The following DNM3 variants were observed in gnomAD, a reference collection of about 807,000 sequenced individuals.
DNM3 encodes the protein dynamin 3, also known as dynamin-3.
In DNM3, 47 loss-of-function variants were observed where a neutral mutation model predicts 101.6. That is an observed-to-expected ratio of 0.46 (90% CI 0.37 to 0.59). The LOEUF is 0.59. Ranked by LOEUF, DNM3 falls within the 20% of genes least tolerant of loss-of-function variation. DNM3 has a pLI of 0.00. For synonymous variants in DNM3, 385 were observed against 387.9 expected, an observed-to-expected ratio of 0.99 and a Z score of 0.09; for missense variants, 849 against 1,085.7, an observed-to-expected ratio of 0.78 and a Z score of 3.06.
chr1:172,126,211 G>T (rs1033865175), intron 13 of DNM3, among the ~76,000 whole-genome samples: 1 of 152,184 alleles, frequency 6.6e-6, no homozygotes, highest in Non-Finnish European at 1.5e-5. Context: ...GTAAAAGAAA[G>T]GGCTGGGATT....
intron 17 of DNM3, among the ~76,000 whole-genome samples, chr1:172,352,055 A>T (rs2067224702): frequency 6.6e-6 from 1 of 152,320 alleles, no homozygotes; most frequent in Middle Eastern, 3.4e-3. Flanking sequence ...CATTATCCTG[A>T]CGTCTAAAAT....
At position 172,090,916 on chromosome 1, in the gene DNM3, A is replaced by G. The variant is rs142234086; in HGVS notation, c.1494-1908A>G. Among the ~76,000 whole-genome samples the G allele has an allele frequency of 3.3e-5, 5 of 152,308 alleles. No individual in the cohort carries two copies. In the East Asian group the frequency reaches 5.8e-4, roughly 18 times the overall value. On this transcript the variant is annotated intron_variant, in intron 12 of 20. Transcript: ENST00000627582. ...TTCATTGATCTCCAAAACAGCTTCC[A>G]TAAACTATTAAACAATCTGTAAGAA...
chr1:172,044,751 G>A (rs1253006212), intron 9 of DNM3, among the ~76,000 whole-genome samples: 1 of 152,170 alleles, frequency 6.6e-6, no homozygotes, highest in African/African-American at 2.4e-5. Flanking sequence ...CATGAGGGAG[G>A]CCAGACATGC....
rs756274426 is a variant in DNM3 at position 172,131,182 on chromosome 1, G to T, written c.1553G>T (p.Arg518Leu). Residue 518 changes from arginine to leucine, a missense_variant, in exon 14 of 21, where the codon CGC (arginine) becomes CTC (leucine). Arg to Leu is a moderately radical substitution (Grantham distance 102). This residue lies in a region of DNM3 where 193 missense variants were observed against 238.4 expected (regional missense o/e 0.81). Transcript: ENST00000627582. Reference protein sequence around the residue: ...KKTTVGNQVIRKGWLTISNIG... With the variant: ...KKTTVGNQVILKGWLTISNIG... ...ATTTCTGCTTTTTCGTAGGTGATTC[G>T]CAAGGGGTGGCTCACCATCAGCAAC... 10 of 1,612,986 alleles carry T rather than the reference G, an allele frequency of 6.2e-6. No individual in the cohort carries two copies. In the East Asian group the frequency reaches 6.7e-5, roughly 11 times the overall value.
chr1:172,249,222 G>A (rs1329213300), intron 14 of DNM3, among the ~76,000 whole-genome samples: 1 of 152,042 alleles, frequency 6.6e-6, no homozygotes, highest in Non-Finnish European at 1.5e-5. Flanking sequence ...CCATCACTGC[G>A]CACTTGCCAA....
chr1:172,198,963 T>G (rs2060053985), intron 14 of DNM3, among the ~76,000 whole-genome samples: 1 of 152,120 alleles, frequency 6.6e-6, no homozygotes, highest in South Asian at 2.1e-4. Context: ...TGGGATTGAT[T>G]TGTTCTTGCT....
At chr1:172,301,957 C>A (rs562557710) in intron 15 of DNM3, among the ~76,000 whole-genome samples, 3 of 152,170 alleles carry the variant, frequency 2.0e-5, no homozygotes, top group African/African-American at 4.8e-5. Context: ...CAGCTCCCAG[C>A]GTGATCTACT....
chr1:171,926,853 C>G lies in DNM3; in HGVS notation c.235+5032C>G, dbSNP rs955027664. On this transcript the variant is annotated intron_variant, in intron 2 of 20. Coordinates refer to ENST00000627582, the MANE Select transcript of DNM3 (RefSeq NM_015569.5). ...AAAGTATTTGACAAAATCTAACATGCATTCATGATAAAACTCTTAGTAAAT... is the reference window on the plus strand; with the variant it reads ...AAAGTATTTGACAAAATCTAACATGGATTCATGATAAAACTCTTAGTAAAT... Among the ~76,000 whole-genome samples, 15 of 152,284 alleles carry G rather than the reference C, an allele frequency of 9.9e-5. No individual in the cohort carries two copies. In the South Asian group the frequency reaches 1.2e-3, roughly 13 times the overall value.
At chr1:171,894,185 T>A (rs973054937) in intron 1 of DNM3, among the ~76,000 whole-genome samples, 6 of 151,418 alleles carry the variant, frequency 4.0e-5, no homozygotes, top group Non-Finnish European at 7.4e-5. Flanking sequence ...CTGGAGCTCC[T>A]GATCTCAAGT....
chr1:172,387,399 T>G (rs536529514), intron 19 of DNM3, 40 bp downstream of exon 19: 1 of 1,544,750 alleles, frequency 6.5e-7, no homozygotes, highest in East Asian at 2.3e-5. Flanking sequence ...GGCTCGCTCC[T>G]GTAATCCCAG....
chr1:172,411,185 A>G lies in DNM3; in HGVS notation c.*3344A>G, dbSNP rs2071183004. ...ATATTTTTTAAACTGTGATAATACA[A>G]CAGATAGCTTTGAATGATCTGCCAT... On this transcript the variant is annotated 3_prime_UTR_variant, in exon 21 of 21. Transcript: ENST00000627582. 2.0e-6 allele frequency: 2 copies of G among 985,188 alleles called. No individual in the cohort carries two copies. Among genetic ancestry groups the G allele is most frequent in the South Asian group, 9.4e-5 (2 of 21,294 alleles). The allele number at this position is 985,188 out of a possible 1,614,324, so 61.0% of individuals were successfully genotyped here.
At chr1:172,338,870 C>T (rs1259077342) in intron 17 of DNM3, 1 of 460,710 alleles carries the variant, frequency 2.2e-6, no homozygotes, top group Non-Finnish European at 4.4e-6. Context: ...GAAAGTGCAT[C>T]TGAACTTGAC....
chr1:172,244,334 A>G (rs561414164), intron 14 of DNM3, among the ~76,000 whole-genome samples: 1 of 152,276 alleles, frequency 6.6e-6, no homozygotes, highest in Admixed American at 6.5e-5. Flanking sequence ...ATACGTGTGC[A>G]TGTGACAAAA....
intron 14 of DNM3, among the ~76,000 whole-genome samples, chr1:172,170,768 A>G (rs1344858685): frequency 6.6e-6 from 1 of 151,770 alleles, no homozygotes. Context: ...CACAAATCCC[A>G]TCATAAATTC....
At chr1:171,850,863 G>A (rs982679794) in intron 1 of DNM3, among the ~76,000 whole-genome samples, 2 of 151,742 alleles carry the variant, frequency 1.3e-5, no homozygotes, top group African/African-American at 4.8e-5. Context: ...ATGAGAAGGA[G>A]GAAGCAATGC....
At chr1:171,880,165 T>G (rs1037461179) in intron 1 of DNM3, among the ~76,000 whole-genome samples, 2 of 152,240 alleles carry the variant, frequency 1.3e-5, no homozygotes, top group Non-Finnish European at 2.9e-5. Context: ...TTATTTCCTG[T>G]GATGGCTAGA....
At chr1:171,973,328 TCA>T (rs2044148753) in intron 2 of DNM3, among the ~76,000 whole-genome samples, 2 of 152,224 alleles carry the variant, frequency 1.3e-5, no homozygotes, top group African/African-American at 2.4e-5. Context: ...CTGTGTAACC[TCA>T]GGCAATTTGT....
At chr1:171,900,247 G>A (rs536882748) in intron 1 of DNM3, among the ~76,000 whole-genome samples, 3 of 152,234 alleles carry the variant, frequency 2.0e-5, no homozygotes, top group South Asian at 4.2e-4. Flanking sequence ...ATGCGTTTGG[G>A]GTACTTGTGA....
intron 1 of DNM3, among the ~76,000 whole-genome samples, chr1:171,851,129 T>C (rs756545866): frequency 2.0e-5 from 3 of 151,996 alleles, no homozygotes; most frequent in Non-Finnish European, 2.9e-5. Context: ...CAGCTCTATC[T>C]GTCTGATTTA....
Sources: gnomAD v4.1 joint callset for allele counts (sites outside exome capture counted in the v4.1 genomes callset) on GRCh38, gnomAD v4.1.1 for gene constraint, gnomAD v4.1.1 regional missense constraint, MANE v1.5 for transcripts, NCBI Gene and HGNC (gene_info 2026-07-23, HGNC 2026-07-21) for gene names.